The following SLC7A5 variants were observed in gnomAD, a reference collection of about 807,000 sequenced individuals.
SLC7A5 encodes large neutral amino acids transporter small subunit 1.
Under a neutral mutation model 50.2 loss-of-function variants are expected in SLC7A5, and 23 were observed. That is an observed-to-expected ratio of 0.46 (90% confidence interval 0.33 to 0.65). SLC7A5 has a LOEUF of 0.65. Ranked by LOEUF, SLC7A5 falls within the 30% of genes least tolerant of loss-of-function variation. The pLI, the probability that SLC7A5 is intolerant of heterozygous loss-of-function variation, is 0.02. For synonymous variants in SLC7A5, 393 were observed against 330.6 expected (o/e 1.19, Z -2.05); for missense variants, 578 against 684.4 (o/e 0.84, Z 1.73).
Position 87,862,186 on chromosome 16 carries a change from G to A in SLC7A5, c.538+6699C>T, listed in dbSNP as rs1013057084. On this transcript the variant is annotated intron_variant, in intron 1 of 9. Coordinates refer to ENST00000261622, the MANE Select transcript of SLC7A5 (RefSeq NM_003486.7). The surrounding 1 kb of genome is among the most constrained non-coding windows in gnomAD (Gnocchi z 5.3). ...GAACAGGCCTGGACTGAGAAGCGGG[G>A]CTACAGGTTACAGGTGCTGGATACC... Among the ~76,000 whole-genome samples the A allele has an allele frequency of 1.3e-5, 2 of 152,122 alleles. No individual in the cohort carries two copies. Among genetic ancestry groups the A allele is most frequent in the African/African-American group, 4.8e-5 (2 of 41,418 alleles).
At chr16:87,834,358 C>A in intron 9 of SLC7A5, 56 bp downstream of exon 9, 4 of 1,533,652 alleles carry the variant, frequency 2.6e-6, no homozygotes, top group South Asian at 2.4e-5. Flanking sequence ...CCTCTCAACT[C>A]CCTTCGCTGC....
At position 87,841,156 on chromosome 16, in the gene SLC7A5, C is replaced by CT. The variant is rs751482582; in HGVS notation, c.665-2dup. The CT allele has an allele frequency of 6.3e-7, 1 of 1,598,326 alleles. No individual in the cohort carries two copies. The highest frequency in any genetic ancestry group is 8.6e-7 in the Non-Finnish European group (1 of 1,165,780). ...TTGGGATCTAGATTGGACACATCACCTGGCAGGGCCAAAGAAAGGAATGCT... is the reference window on the plus strand; with the variant it reads ...TTGGGATCTAGATTGGACACATCACCTTGGCAGGGCCAAAGAAAGGAATGCT... On this transcript the variant is annotated splice_acceptor_variant, in intron 2 of 9. Transcript: ENST00000261622. LOFTEE classifies it high-confidence loss of function. The surrounding 1 kb of genome is among the most constrained non-coding windows in gnomAD (Gnocchi z 4.8).
intron 1 of SLC7A5, among the ~76,000 whole-genome samples, chr16:87,865,779 C>A (rs566302248): frequency 5.3e-5 from 8 of 152,120 alleles, no homozygotes; most frequent in African/African-American, 1.7e-4. Flanking sequence ...AATCCAGGAA[C>A]GCGTGACTTG....
At chr16:87,846,858 G>C (rs1014832457) in intron 2 of SLC7A5, among the ~76,000 whole-genome samples, 3 of 152,236 alleles carry the variant, frequency 2.0e-5, no homozygotes, top group Non-Finnish European at 2.9e-5. Flanking sequence ...CTGCATGGCA[G>C]TGGCTCCCGT....
At position 87,860,399 on chromosome 16, in the gene SLC7A5, C is replaced by CACACAT. The variant is rs1175115965; in HGVS notation, c.538+8485_538+8486insATGTGT. ...ACACACACACACACACACACACACA[C>CACACAT]ATATATATATAAAGAAAAAGGAAAT... On this transcript the variant is annotated intron_variant, in intron 1 of 9. Coordinates refer to ENST00000261622, the MANE Select transcript of SLC7A5 (RefSeq NM_003486.7). This position sits in a 1 kb window ranked among gnomAD's most constrained non-coding sequence, Gnocchi z 4.8. Among the ~76,000 whole-genome samples the CACACAT allele has an allele frequency of 1.7e-4, 13 of 74,492 alleles. No individual in the cohort carries two copies. Among genetic ancestry groups the CACACAT allele is most frequent in the East Asian group, 1.7e-3 (4 of 2,392 alleles). 48.9% of individuals were successfully genotyped at this position (74,492 alleles called of 152,430 possible).
chr16:87,833,946 C>T lies in SLC7A5; in HGVS notation c.1468+468G>A, dbSNP rs1240851017. Among the ~76,000 whole-genome samples, 4 of 151,808 alleles carry T rather than the reference C, an allele frequency of 2.6e-5. No homozygotes were observed. Among genetic ancestry groups the T allele is most frequent in the South Asian group, 2.1e-4 (1 of 4,806 alleles). On this transcript the variant is annotated intron_variant, in intron 9 of 9. Transcript: ENST00000261622. This position sits in a 1 kb window ranked among gnomAD's most constrained non-coding sequence, Gnocchi z 6.0. ...TCGGCTCACTGCAACCTCCGTCTCC[C>T]GGGTTCAAGTGATTCTCCTGCCTCA...
rs1320321947 is a variant in SLC7A5, at chr16:87,841,210, G to A, written c.665-55C>T. The A allele has an allele frequency of 5.1e-6, 6 of 1,176,726 alleles. No homozygotes were observed. The highest frequency in any genetic ancestry group is 1.2e-5 in the South Asian group (1 of 82,058). 72.9% of individuals were successfully genotyped at this position (1,176,726 alleles called of 1,614,324 possible). A position where few individuals can be genotyped will look rare whatever the true frequency, so the allele number is the denominator to read the frequency against. ...TTAGAGAGCGCTGAACAGAGGTCAT[G>A]CTACCAGTTCTAGAATGTTCCTGGA... On this transcript the variant is annotated intron_variant, in intron 2 of 9. Coordinates refer to ENST00000261622, the MANE Select transcript of SLC7A5 (RefSeq NM_003486.7). This position sits in a 1 kb window ranked among gnomAD's most constrained non-coding sequence, Gnocchi z 4.8.
intron 2 of SLC7A5, among the ~76,000 whole-genome samples, chr16:87,848,535 C>A (rs958772584): frequency 1.3e-4 from 20 of 152,210 alleles, no homozygotes; most frequent in Non-Finnish European, 2.6e-4. Context: ...TCATGTGACA[C>A]CTAAGCCTGC....
intron 8 of SLC7A5, 33 bp from the exon 9 acceptor site, chr16:87,834,624 C>T: frequency 1.3e-6 from 2 of 1,560,734 alleles, no homozygotes; most frequent in South Asian, 1.2e-5. Flanking sequence ...GGTGAGCCCT[C>T]TCCTGTCCAG....
At position 87,868,879 on chromosome 16, in the gene SLC7A5, A is replaced by G. The variant is rs761887488; in HGVS notation, c.538+6T>C. 6.2e-7 allele frequency: 1 copy of G among 1,602,242 alleles called. No homozygotes were observed. Among genetic ancestry groups the G allele is most frequent in the South Asian group, 1.1e-5 (1 of 89,720 alleles). ...TCCCAACCCCCGGCCCGCGCCCCGTACTCACGCACGCAGAGGCAGGCCACG... is the reference window on the plus strand; with the variant it reads ...TCCCAACCCCCGGCCCGCGCCCCGTGCTCACGCACGCAGAGGCAGGCCACG... On this transcript the variant is annotated splice_donor_region_variant and intron_variant, in intron 1 of 9. Transcript: ENST00000261622.
At chr16:87,847,869 G>A (rs2055173255) in intron 2 of SLC7A5, among the ~76,000 whole-genome samples, 2 of 152,144 alleles carry the variant, frequency 1.3e-5, no homozygotes, top group African/African-American at 4.8e-5. Flanking sequence ...ACAAATGCAG[G>A]CCCCTGCCCC....
chr16:87,847,104 AG>A (rs1378538961), intron 2 of SLC7A5, among the ~76,000 whole-genome samples: 5 of 152,188 alleles, frequency 3.3e-5, no homozygotes, highest in African/African-American at 1.2e-4. Context: ...AGCGCCTAGA[AG>A]CCCAGCTATG....
intron 1 of SLC7A5, among the ~76,000 whole-genome samples, chr16:87,856,225 C>T (rs1293245146): frequency 6.6e-6 from 1 of 152,244 alleles, no homozygotes; most frequent in Non-Finnish European, 1.5e-5. Context: ...TAATGACAGG[C>T]TGTGTTCCGC....
chr16:87,864,007 A>ATATATATATATATATC (rs1267621515), intron 1 of SLC7A5, among the ~76,000 whole-genome samples: 2 of 143,084 alleles, frequency 1.4e-5, no homozygotes, highest in Admixed American at 7.1e-5. Flanking sequence ...ATATATATAT[A>ATATATATATATATATC]TCAGCCGAGT....
At chr16:87,863,314 C>A (rs2055421890) in intron 1 of SLC7A5, among the ~76,000 whole-genome samples, 1 of 152,152 alleles carries the variant, frequency 6.6e-6, no homozygotes, top group Admixed American at 6.5e-5. Flanking sequence ...CAGTGCCGGG[C>A]CACAGTGGAC....
intron 2 of SLC7A5, among the ~76,000 whole-genome samples, chr16:87,847,700 G>C (rs2055171470): frequency 6.6e-6 from 1 of 152,138 alleles, no homozygotes; most frequent in Non-Finnish European, 1.5e-5. Context: ...GCATGACCCT[G>C]CACACTGCAC....
intron 1 of SLC7A5, among the ~76,000 whole-genome samples, chr16:87,864,337 T>C (rs2055436321): frequency 6.6e-6 from 1 of 151,994 alleles, no homozygotes; most frequent in African/African-American, 2.4e-5. Context: ...AATAAATCAC[T>C]TTCTATGGCT....
Position 87,860,341 on chromosome 16 carries a change from TACAC to T in SLC7A5, c.539-8496_539-8493del, listed in dbSNP as rs370835904. ...AAAGCATCTCAAAAAAAAAAAAAAA[TACAC>T]ACACACACACACACACACACACACA... is the stretch of plus-strand genomic sequence containing the variant. On this transcript the variant is annotated intron_variant, in intron 1 of 9. Transcript: ENST00000261622. This position sits in a 1 kb window ranked among gnomAD's most constrained non-coding sequence, Gnocchi z 4.8. Among the ~76,000 whole-genome samples, 3,653 of 85,852 alleles carry T rather than the reference TACAC, an allele frequency of 0.043. 180 individuals carry two copies. The highest frequency in any genetic ancestry group is 0.052 in the East Asian group (145 of 2,814). 56.3% of individuals were successfully genotyped at this position (85,852 alleles called of 152,430 possible).
chr16:87,869,003 G>A lies in SLC7A5; in HGVS notation c.420C>T (p.Ile140=). The A allele has an allele frequency of 2.5e-6, 4 of 1,611,758 alleles. No homozygotes were observed. The highest frequency in any genetic ancestry group is 3.4e-6 in the Non-Finnish European group (4 of 1,179,800). Residue 140 remains isoleucine, a synonymous_variant, in exon 1 of 10, where the codon ATC becomes ATT. Coordinates refer to ENST00000261622, the MANE Select transcript of SLC7A5 (RefSeq NM_003486.7). ...FLKLWIELLI[I]RPSSQYIVAL... ...CCACGATGTACTGCGATGAAGGCCGGATGATGAGCAGCTCGATCCAGAGCT... is the reference window on the plus strand; with the variant it reads ...CCACGATGTACTGCGATGAAGGCCGAATGATGAGCAGCTCGATCCAGAGCT...
Sources: gnomAD v4.1 joint callset for allele counts (sites outside exome capture counted in the v4.1 genomes callset) on GRCh38, gnomAD v4.1.1 for gene constraint, Gnocchi (gnomAD v3.1) non-coding constraint, MANE v1.5 for transcripts, NCBI Gene and HGNC (gene_info 2026-07-23, HGNC 2026-07-21) for gene names.